Variants in FBXO34 observed in about 807,000 individuals in gnomAD.
The protein encoded by FBXO34 is F-box only protein 34.
A neutral mutation model predicts 24.5 loss-of-function variants in FBXO34; 12 were observed. That is an observed-to-expected ratio of 0.49 (90% CI 0.31 to 0.79). The LOEUF is 0.79. Ranked by LOEUF, FBXO34 falls within the 30% of genes least tolerant of loss-of-function variation. The probability of loss-of-function intolerance (pLI) is 0.04; values close to 1 mark genes in which losing one functional copy is unlikely to be tolerated. For missense variants in FBXO34, 823 were observed against 857.7 expected (o/e 0.96, Z 0.51); for synonymous variants, 320 against 311.9 (o/e 1.03, Z -0.27).
In FBXO34 at chr14:55,292,348, G is replaced by A. The variant is rs72715766; in HGVS notation, c.-11+20811G>A. On this transcript the variant is annotated intron_variant, in intron 1 of 1. Coordinates refer to ENST00000313833, the MANE Select transcript of FBXO34 (RefSeq NM_017943.4). ...TCTATGCCACTGGGTAGTATTATAA[G>A]CTGTATTTACATTTTTTTTTTTCTT... Among the ~76,000 whole-genome samples the A allele has an allele frequency of 8.3e-3, 1,268 of 152,038 alleles. 12 individuals carry two copies. The highest frequency in any genetic ancestry group is 0.013 in the Non-Finnish European group (869 of 67,976).
At chr14:55,437,708 C>A in the FBXO34 span, among the ~76,000 whole-genome samples, 60,926 of 152,070 alleles carry the variant, frequency 0.4, 14,176 homozygotes, top group East Asian at 0.6. Context: ...TAATTATAAA[C>A]TTTAGTTGAC....
the FBXO34 span, among the ~76,000 whole-genome samples, chr14:55,419,198 C>A: frequency 6.6e-6 from 1 of 152,236 alleles, no homozygotes. Flanking sequence ...CCTGGCTCCT[C>A]ACATGCCTGT....
the FBXO34 span, among the ~76,000 whole-genome samples, chr14:55,417,265 T>C: frequency 3.9e-5 from 6 of 152,090 alleles, no homozygotes; most frequent in Non-Finnish European, 5.9e-5. Flanking sequence ...CAAATCAACA[T>C]TGCCAGTATT....
At chr14:55,420,565 G>T in the FBXO34 span, among the ~76,000 whole-genome samples, 14 of 152,196 alleles carry the variant, frequency 9.2e-5, no homozygotes, top group African/African-American at 3.1e-4. Flanking sequence ...TTACTTCACA[G>T]TATAAGCAGA....
At chr14:55,294,237 C>A (rs1882046000) in intron 1 of FBXO34, among the ~76,000 whole-genome samples, 1 of 152,120 alleles carries the variant, frequency 6.6e-6, no homozygotes, top group Non-Finnish European at 1.5e-5. Flanking sequence ...ATGTTAGTTC[C>A]TTGAGGGCTT....
downstream of FBXO34, among the ~76,000 whole-genome samples, chr14:55,371,216 A>G (rs951710033): frequency 6.6e-6 from 1 of 152,210 alleles, no homozygotes; most frequent in South Asian, 2.1e-4. Context: ...CAGAAATGAG[A>G]GCCTAGAATC....
the FBXO34 span, chr14:55,382,228 G>C: frequency 1.9e-6 from 3 of 1,602,256 alleles, no homozygotes; most frequent in Non-Finnish European, 2.6e-6. Flanking sequence ...TTTCAAGAGA[G>C]AGGGTTTTTA....
downstream of FBXO34, among the ~76,000 whole-genome samples, chr14:55,356,485 T>C (rs1884524623): frequency 6.6e-6 from 1 of 152,214 alleles, no homozygotes; most frequent in Non-Finnish European, 1.5e-5. Flanking sequence ...TCTTGCTCTG[T>C]CGCCCAGACT....
At chr14:55,321,362 C>T (rs1161532920) in intron 1 of FBXO34, among the ~76,000 whole-genome samples, 1 of 152,044 alleles carries the variant, frequency 6.6e-6, no homozygotes, top group Non-Finnish European at 1.5e-5. Flanking sequence ...TGCATTGTTG[C>T]CCAAAGTAGT....
chr14:55,315,453 T>C (rs575262236), intron 1 of FBXO34, among the ~76,000 whole-genome samples: 90 of 152,352 alleles, frequency 5.9e-4, no homozygotes, highest in Middle Eastern at 3.4e-3. Context: ...TTGTATTGGA[T>C]TACCTGTTTT....
chr14:55,298,910 C>A, intron 1 of FBXO34: 1 of 1,581,506 alleles, frequency 6.3e-7, no homozygotes, highest in East Asian at 2.2e-5. Context: ...ATGCCAACAC[C>A]AATACCGAGG....
At chr14:55,379,225 A>G in the FBXO34 span, among the ~76,000 whole-genome samples, 1 of 152,176 alleles carries the variant, frequency 6.6e-6, no homozygotes, top group Non-Finnish European at 1.5e-5. Flanking sequence ...CAAAGTGTAA[A>G]CAGTGTTTAT....
At chr14:55,293,600 C>CT (rs755217620) in intron 1 of FBXO34, among the ~76,000 whole-genome samples, 9,743 of 144,836 alleles carry the variant, frequency 0.067, 803 homozygotes, top group African/African-American at 0.2. Flanking sequence ...TAAATCTCTG[C>CT]TTTTTTTTTT....
the FBXO34 span, among the ~76,000 whole-genome samples, chr14:55,432,314 G>A: frequency 6.7e-6 from 1 of 149,828 alleles, no homozygotes; most frequent in Non-Finnish European, 1.5e-5. Context: ...TTAAGAGGCC[G>A]AGCTGGAAGG....
intron 1 of FBXO34, among the ~76,000 whole-genome samples, chr14:55,321,227 G>A (rs1193850443): frequency 6.7e-6 from 1 of 150,248 alleles, no homozygotes; most frequent in Non-Finnish European, 1.5e-5. Flanking sequence ...GGAATATTTG[G>A]CCATCTTGTA....
chr14:55,404,194 C>T, the FBXO34 span, among the ~76,000 whole-genome samples: 8 of 152,288 alleles, frequency 5.3e-5, no homozygotes, highest in African/African-American at 1.9e-4. Context: ...ACTACAAATT[C>T]ATCTGAAAAA....
the FBXO34 span, among the ~76,000 whole-genome samples, chr14:55,415,821 G>A: frequency 0.032 from 4,801 of 152,152 alleles, 219 homozygotes; most frequent in African/African-American, 0.095. Flanking sequence ...AGCAGAGTTC[G>A]CACCATTACA....
chr14:55,311,246 C>G (rs1041088160), intron 1 of FBXO34, among the ~76,000 whole-genome samples: 1 of 152,166 alleles, frequency 6.6e-6, no homozygotes, highest in African/African-American at 2.4e-5. Context: ...ACCATCAGAT[C>G]TCGTGATAAT....
chr14:55,351,010 T>C lies in FBXO34; in HGVS notation c.620T>C (p.Val207Ala). The C allele has an allele frequency of 6.2e-7, 1 of 1,614,198 alleles. No homozygotes were observed. The highest frequency in any genetic ancestry group is 8.5e-7 in the Non-Finnish European group (1 of 1,180,020). ...GTCTATGCTGGGAGGCCTCTGTCAGTTATACAGATGGTTGCCTTCTTGGAG... is the reference window on the plus strand; with the variant it reads ...GTCTATGCTGGGAGGCCTCTGTCAGCTATACAGATGGTTGCCTTCTTGGAG... ...DGVYAGRPLS[V>A]IQMVAFLEQR... is the part of the protein sequence containing the mutation. Residue 207 changes from valine (V) to alanine (A), a missense_variant, in exon 2 of 2, where the codon GTT becomes GCT. Around this residue, in one of 2 missense-constraint regions of FBXO34, gnomAD observed 693 missense variants for 659.1 expected, o/e 1.05. Transcript: ENST00000313833.
Sources: gnomAD v4.1 joint callset for allele counts (sites outside exome capture counted in the v4.1 genomes callset) on GRCh38, gnomAD v4.1.1 for gene constraint, gnomAD v4.1.1 regional missense constraint, MANE v1.5 for transcripts, NCBI Gene and HGNC (gene_info 2026-07-23, HGNC 2026-07-21) for gene names.